The following PARD3B variants were observed in gnomAD, a reference collection of about 807,000 sequenced individuals.
The protein encoded by PARD3B is partitioning defective 3 homolog B.
Under a neutral mutation model 130.2 loss-of-function variants are expected in PARD3B, and 103 were observed. That is an observed-to-expected ratio of 0.79 (90% CI 0.67 to 0.93). PARD3B has a LOEUF of 0.93. Among genes scored for constraint, PARD3B ranks in the 40% least tolerant of loss-of-function variants. The pLI is 0.00. For synonymous variants in PARD3B, 583 were observed against 553.2 expected, an observed-to-expected ratio of 1.05 and a Z score of -0.76; for missense variants, 1,609 against 1,499.2, an observed-to-expected ratio of 1.07 and a Z score of -1.21.
At chr2:205,149,612 T>G (rs1008650580) in intron 10 of PARD3B, among the ~76,000 whole-genome samples, 1 of 152,222 alleles carries the variant, frequency 6.6e-6, no homozygotes, top group Non-Finnish European at 1.5e-5. Context: ...TTAATTGTGC[T>G]GAAGTATCTC....
intron 2 of PARD3B, among the ~76,000 whole-genome samples, chr2:204,883,159 T>C (rs2046117272): frequency 6.6e-6 from 1 of 151,884 alleles, no homozygotes; most frequent in Admixed American, 6.6e-5. Flanking sequence ...GTTGTCATAA[T>C]TACTTACCCA....
chr2:204,714,688 T>C (rs2038637052), intron 2 of PARD3B, among the ~76,000 whole-genome samples: 1 of 152,222 alleles, frequency 6.6e-6, no homozygotes, highest in Admixed American at 6.5e-5. Flanking sequence ...CACCTTATTC[T>C]AATGTCTACT....
At chr2:204,757,673 G>A (rs1032773682) in intron 2 of PARD3B, among the ~76,000 whole-genome samples, 1 of 152,054 alleles carries the variant, frequency 6.6e-6, no homozygotes, top group African/African-American at 2.4e-5. Context: ...CAAATCTCTT[G>A]CTGATATGAA....
chr2:205,399,775 G>A (rs1169370574), intron 18 of PARD3B, among the ~76,000 whole-genome samples: 1 of 152,166 alleles, frequency 6.6e-6, no homozygotes, highest in Non-Finnish European at 1.5e-5. Context: ...TACATCCCAG[G>A]CACTCAGGAA....
At chr2:204,632,174 C>T (rs2034701871) in intron 1 of PARD3B, among the ~76,000 whole-genome samples, 1 of 152,034 alleles carries the variant, frequency 6.6e-6, no homozygotes, top group Non-Finnish European at 1.5e-5. Flanking sequence ...TGTGTGGCAC[C>T]TCCCTGTTCA....
rs1447669938 is a variant in PARD3B at position 205,021,566 on chromosome 2, C to T, written c.395-26015C>T. Among the ~76,000 whole-genome samples the T allele has an allele frequency of 6.6e-6, 1 of 151,476 alleles. No individual in the cohort carries two copies. The highest frequency in any genetic ancestry group is 1.5e-5 in the Non-Finnish European group (1 of 67,894). On this transcript the variant is annotated intron_variant, in intron 3 of 22. Transcript: ENST00000406610. This position sits in a 1 kb window ranked among gnomAD's most constrained non-coding sequence, Gnocchi z 4.5. ...GGAGGTAATAGCATTTATTGAGCAA[C>T]TATATGCTCTCTTCTCTCTCTCTTC...
In PARD3B at chr2:205,300,499, G is replaced by A. The variant is rs2041955322; in HGVS notation, c.2186-31G>A. ...ATTACACCACACTGCCCCATTAGAA[G>A]AGGGGTGACCTTTTGCCCTTTCTTT... On this transcript the variant is annotated intron_variant, in intron 16 of 22. Transcript: ENST00000406610. This position sits in a 1 kb window ranked among gnomAD's most constrained non-coding sequence, Gnocchi z 4.1. The A allele has an allele frequency of 6.4e-7, 1 of 1,552,552 alleles. No individual in the cohort carries two copies. The highest frequency in any genetic ancestry group is 1.7e-5 in the Admixed American group (1 of 59,874).
At chr2:205,104,383 A>G in intron 4 of PARD3B, 43 bp from the exon 5 acceptor site, 1 of 1,377,498 alleles carries the variant, frequency 7.3e-7, no homozygotes, top group South Asian at 1.2e-5. Context: ...TTTTCAATTC[A>G]ATATGCACAG....
intron 16 of PARD3B, among the ~76,000 whole-genome samples, chr2:205,295,478 G>A (rs892131687): frequency 6.6e-6 from 1 of 152,084 alleles, no homozygotes; most frequent in Non-Finnish European, 1.5e-5. Context: ...AGTGCCGTGA[G>A]GGCCATTGAT....
intron 3 of PARD3B, among the ~76,000 whole-genome samples, chr2:205,042,698 C>A (rs1698476397): frequency 6.6e-6 from 1 of 151,980 alleles, no homozygotes; most frequent in Non-Finnish European, 1.5e-5. Flanking sequence ...CCTACTTGAA[C>A]ACTTTAGTGG....
At chr2:205,096,834 A>G (rs1457031111) in intron 4 of PARD3B, among the ~76,000 whole-genome samples, 1 of 152,214 alleles carries the variant, frequency 6.6e-6, no homozygotes, top group African/African-American at 2.4e-5. Flanking sequence ...TATTTTAAAG[A>G]TGCAATTATT....
At chr2:204,663,729 T>A (rs1376022745) in intron 1 of PARD3B, among the ~76,000 whole-genome samples, 1 of 152,196 alleles carries the variant, frequency 6.6e-6, no homozygotes, top group Non-Finnish European at 1.5e-5. Context: ...TAGGGAAGAT[T>A]AATCTCGTTT....
chr2:204,865,376 T>A (rs1256285336), intron 2 of PARD3B, among the ~76,000 whole-genome samples: 1 of 152,172 alleles, frequency 6.6e-6, no homozygotes. Flanking sequence ...CCAAATGACT[T>A]CCATATGCAA....
chr2:205,029,157 G>C (rs1697243943), intron 3 of PARD3B, among the ~76,000 whole-genome samples: 1 of 152,072 alleles, frequency 6.6e-6, no homozygotes, highest in South Asian at 2.1e-4. Context: ...TTTGACATCA[G>C]CTTTAAAAAT....
chr2:205,194,950 ATTTT>A (rs56836818), intron 15 of PARD3B, among the ~76,000 whole-genome samples: 7 of 111,224 alleles, frequency 6.3e-5, no homozygotes, highest in African/African-American at 2.1e-4. Context: ...CGCCAGGCTA[ATTTT>A]TTTTTTTTTT....
intron 20 of PARD3B, among the ~76,000 whole-genome samples, chr2:205,443,566 A>G (rs1453635614): frequency 2.0e-5 from 3 of 152,202 alleles, no homozygotes; most frequent in Non-Finnish European, 4.4e-5. Context: ...AGTCCTCCAA[A>G]CAGAGGTGAT....
At chr2:205,259,355 G>A (rs1273151890) in intron 16 of PARD3B, among the ~76,000 whole-genome samples, 1 of 151,866 alleles carries the variant, frequency 6.6e-6, no homozygotes, top group African/African-American at 2.4e-5. Context: ...TTTTTGTTGG[G>A]TATATAAAGT....
chr2:205,345,381 C>A (rs1222252204), intron 18 of PARD3B, among the ~76,000 whole-genome samples: 1 of 152,118 alleles, frequency 6.6e-6, no homozygotes, highest in Non-Finnish European at 1.5e-5. Context: ...ATGTCTCTTT[C>A]TTCTGGGTAT....
At chr2:205,345,080 T>C (rs2043700357) in intron 18 of PARD3B, among the ~76,000 whole-genome samples, 1 of 152,164 alleles carries the variant, frequency 6.6e-6, no homozygotes, top group Non-Finnish European at 1.5e-5. Context: ...TATCTTTTCC[T>C]CACCCATTTG....
Sources: allele counts gnomAD v4.1 joint callset (sites outside exome capture counted in the v4.1 genomes callset), GRCh38; gene constraint gnomAD v4.1.1; non-coding constraint Gnocchi (gnomAD v3.1); transcripts MANE v1.5; gene names NCBI Gene and HGNC (gene_info 2026-07-23, HGNC 2026-07-21).